The following RGS9 variants were observed in gnomAD, a reference collection of about 807,000 sequenced individuals.
The protein encoded by RGS9 is regulator of G-protein signalling 9.
A neutral mutation model predicts 102.0 loss-of-function variants in RGS9; 78 were observed. The observed-to-expected ratio is 0.76, with a 90% confidence interval of 0.64 to 0.92. The LOEUF is 0.92. RGS9 is among the 40% of genes least tolerant of loss of function. RGS9 has a pLI of 0.00. For missense variants in RGS9, 833 were observed against 866.1 expected, an observed-to-expected ratio of 0.96 and a Z score of 0.48; for synonymous variants, 353 against 318.6, an observed-to-expected ratio of 1.11 and a Z score of -1.15.
rs751958928 is a variant in RGS9, at chr17:65,227,611, C to G, written c.*204C>G. On this transcript the variant is annotated 3_prime_UTR_variant, in exon 19 of 19. Coordinates refer to ENST00000262406, the MANE Select transcript of RGS9 (RefSeq NM_003835.4). ...CCAACTCCTTCTCCTCTTCCTGACC[C>G]TCCCTCCCCTGGGCAGAAGAAACGC... 4.6e-6 allele frequency: 3 copies of G among 658,894 alleles called. No homozygotes were observed. In the East Asian group the frequency reaches 8.5e-5, roughly 19 times the overall value. 40.8% of individuals were successfully genotyped at this position (658,894 alleles called of 1,614,324 possible).
chr17:65,197,186 C>G lies in RGS9; in HGVS notation c.921C>G (p.Ile307Met). The change falls in exon 13 of 19, where the codon ATC becomes ATG. Residue 307 changes from isoleucine to methionine, a missense_variant. Transcript: ENST00000262406. ...GGGCCTTCAACTTCAGCGAATTGAT[C>G]CGAGACCCCAAAGGTCGACAGAGCT... is the stretch of plus-strand genomic sequence containing the variant. The part of the protein sequence containing the change: ...ERWAFNFSEL[I>M]RDPKGRQSFQ... 1.2e-6 allele frequency: 2 copies of G among 1,613,992 alleles called. No individual in the cohort carries two copies. The highest frequency in any genetic ancestry group is 4.5e-5 in the East Asian group (2 of 44,882).
intron 2 of RGS9, among the ~76,000 whole-genome samples, chr17:65,157,132 AC>A (rs61444350): frequency 0.28 from 42,829 of 152,012 alleles, 7,416 homozygotes; most frequent in East Asian, 0.51. Flanking sequence ...ACATAAGAAC[AC>A]AGGGAGTGGA....
chr17:65,189,485 C>T (rs1912274748), intron 10 of RGS9, among the ~76,000 whole-genome samples, 170 bp downstream of exon 10: 1 of 152,212 alleles, frequency 6.6e-6, no homozygotes, highest in Non-Finnish European at 1.5e-5. Context: ...CTTCTGTAAG[C>T]TCTGGCTGGG....
At chr17:65,200,252 G>A (rs753380549) in intron 13 of RGS9, among the ~76,000 whole-genome samples, 5 of 151,742 alleles carry the variant, frequency 3.3e-5, no homozygotes, top group Non-Finnish European at 4.4e-5. Flanking sequence ...GGCTGGTCTC[G>A]AACTCCTGAC....
At chr17:65,149,399 C>T (rs1173956793) in intron 1 of RGS9, among the ~76,000 whole-genome samples, 1 of 152,150 alleles carries the variant, frequency 6.6e-6, no homozygotes, top group Non-Finnish European at 1.5e-5. Flanking sequence ...CATTCAGACT[C>T]CTAGCTTTCA....
chr17:65,217,261 G>C (rs1232327060), intron 17 of RGS9, among the ~76,000 whole-genome samples: 1 of 152,232 alleles, frequency 6.6e-6, no homozygotes, highest in Non-Finnish European at 1.5e-5. Context: ...AGGTGGATCA[G>C]AGCATGGGGC....
intron 3 of RGS9, among the ~76,000 whole-genome samples, chr17:65,159,257 C>T (rs113737421): frequency 0.023 from 3,473 of 151,848 alleles, 133 homozygotes; most frequent in African/African-American, 0.079. Context: ...ACTCTCTTTT[C>T]GGACTCAGCC....
chr17:65,170,553 T>G (rs1217693751), intron 8 of RGS9, among the ~76,000 whole-genome samples: 1 of 152,210 alleles, frequency 6.6e-6, no homozygotes, highest in Admixed American at 6.5e-5. Context: ...TGTGCACTTC[T>G]GCCTCTCATG....
At chr17:65,201,865 C>T in intron 13 of RGS9, 128 bp from the exon 14 acceptor site, 1 of 699,986 alleles carries the variant, frequency 1.4e-6, no homozygotes. Context: ...TGTTCTGCGG[C>T]AGGAAAGGTG....
intron 1 of RGS9, among the ~76,000 whole-genome samples, chr17:65,143,105 T>G (rs1311250808): frequency 3.9e-5 from 6 of 152,072 alleles, no homozygotes; most frequent in Non-Finnish European, 8.8e-5. Context: ...GAATGTGCAG[T>G]CAGGATGAGA....
Position 65,227,510 on chromosome 17 carries a change from T to C in RGS9, c.*103T>C. On this transcript the variant is annotated 3_prime_UTR_variant, in exon 19 of 19. Transcript: ENST00000262406. ...CACTTGCTCGAGAACCAAAGTGCAT[T>C]TGGGTGACATTTGAAGATTGGGGAG... 1 of 1,461,938 alleles carries C rather than the reference T, an allele frequency of 6.8e-7. No individual in the cohort carries two copies. The highest frequency in any genetic ancestry group is 9.3e-7 in the Non-Finnish European group (1 of 1,070,708). 90.6% of individuals were successfully genotyped at this position (1,461,938 alleles called of 1,614,324 possible). A position where few individuals can be genotyped will look rare whatever the true frequency, so the allele number is the denominator to read the frequency against.
chr17:65,193,827 C>T (rs1912476211), intron 12 of RGS9, among the ~76,000 whole-genome samples, 171 bp downstream of exon 12: 1 of 152,172 alleles, frequency 6.6e-6, no homozygotes, highest in Non-Finnish European at 1.5e-5. Flanking sequence ...CCTGGACGCC[C>T]TCCAGCCTTA....
Position 65,227,426 on chromosome 17 carries a change from C to A in RGS9, c.*19C>A. 1.2e-6 allele frequency: 2 copies of A among 1,605,618 alleles called. No homozygotes were observed. Among genetic ancestry groups the A allele is most frequent in the Non-Finnish European group, 1.7e-6 (2 of 1,175,730 alleles). On this transcript the variant is annotated 3_prime_UTR_variant, in exon 19 of 19. Transcript: ENST00000262406. ...CCTGTAAGGAAAGAGGCAGGCTGAGCTGGGGGCTCTGGACCAGGAAGATGC... is the reference window on the plus strand; with the variant it reads ...CCTGTAAGGAAAGAGGCAGGCTGAGATGGGGGCTCTGGACCAGGAAGATGC...
intron 8 of RGS9, 81 bp from the exon 9 acceptor site, chr17:65,177,651 G>C (rs1405581590): frequency 3.3e-5 from 43 of 1,320,756 alleles, no homozygotes; most frequent in Non-Finnish European, 4.7e-5. Context: ...CTCACAATTG[G>C]CAGATTAACC....
At chr17:65,199,114 A>T (rs1252706009) in intron 13 of RGS9, among the ~76,000 whole-genome samples, 2 of 152,228 alleles carry the variant, frequency 1.3e-5, no homozygotes, top group Non-Finnish European at 2.9e-5. Flanking sequence ...TAAATCATCA[A>T]TTTGCTCATT....
intron 1 of RGS9, among the ~76,000 whole-genome samples, chr17:65,143,406 A>C (rs1025818981): frequency 6.6e-6 from 1 of 152,194 alleles, no homozygotes; most frequent in Non-Finnish European, 1.5e-5. Context: ...GGCAGGATTG[A>C]GTGGGCAGAG....
chr17:65,188,016 A>G (rs1436603698), intron 9 of RGS9, among the ~76,000 whole-genome samples: 1 of 152,106 alleles, frequency 6.6e-6, no homozygotes, highest in Admixed American at 6.6e-5. Flanking sequence ...AATAACAACA[A>G]CAACAGCAAC....
At chr17:65,211,463 A>G (rs1913296332) in intron 17 of RGS9, among the ~76,000 whole-genome samples, 1 of 152,224 alleles carries the variant, frequency 6.6e-6, no homozygotes, top group Non-Finnish European at 1.5e-5. Context: ...GTCTTCATTC[A>G]TGGGAAGAGG....
In RGS9 at chr17:65,207,993, A is replaced by C. The variant is rs1192876870; in HGVS notation, c.1275A>C (p.Glu425Asp). 6.2e-7 allele frequency: 1 copy of C among 1,611,858 alleles called. No homozygotes were observed. ...DMLAKAIEPQ[E>D]TTKKSSTLPF... ...TGGCCAAAGCTATTGAACCTCAGGAAACCACCAAGAAAAGGCAAGTGGAAT... is the reference window on the plus strand; with the variant it reads ...TGGCCAAAGCTATTGAACCTCAGGACACCACCAAGAAAAGGCAAGTGGAAT... Residue 425 changes from glutamate (E) to aspartate (D), a missense_variant, in exon 16 of 19, where the codon GAA becomes GAC. Glu to Asp is a conservative substitution (Grantham distance 45). Coordinates refer to ENST00000262406, the MANE Select transcript of RGS9 (RefSeq NM_003835.4).
Sources: gnomAD v4.1 joint callset for allele counts (sites outside exome capture counted in the v4.1 genomes callset) on GRCh38, gnomAD v4.1.1 for gene constraint, MANE v1.5 for transcripts, NCBI Gene and HGNC (gene_info 2026-07-23, HGNC 2026-07-21) for gene names.